Variants in MAGI1 observed in about 807,000 individuals in gnomAD.
MAGI1 encodes membrane associated guanylate kinase, WW and PDZ domain containing 1.
Under a neutral mutation model 139.9 loss-of-function variants are expected in MAGI1, and 58 were observed. That is an observed-to-expected ratio of 0.41 (90% CI 0.34 to 0.52). The LOEUF is 0.52. Among genes scored for constraint, MAGI1 ranks in the 20% least tolerant of loss-of-function variants. The probability of loss-of-function intolerance (pLI) is 0.12; values close to 1 mark genes in which losing one functional copy is unlikely to be tolerated. For synonymous variants in MAGI1, 812 were observed against 737.9 expected (o/e 1.10, Z -1.63); for missense variants, 1,874 against 1,901.6 (o/e 0.99, Z 0.27).
In MAGI1 at chr3:65,974,062, AAAAGG is replaced by A. The variant is rs1258253762; in HGVS notation, c.313+63929_313+63933del. 2.0e-5 allele frequency among the ~76,000 whole-genome samples: 3 copies of A among 152,142 alleles called. No individual in the cohort carries two copies. The East Asian group carries it at 5.8e-4, about 29-fold the overall frequency. The stretch of plus-strand genomic sequence containing the variant: ...TCAGAATTAGCATGAAGAATATTAA[AAAAGG>A]AAAGGTACAGAAAAATAAAATCTTT... On this transcript the variant is annotated intron_variant, in intron 1 of 22. Transcript: ENST00000402939.
chr3:65,799,897 A>T (rs1351438581), intron 1 of MAGI1, among the ~76,000 whole-genome samples: 1 of 152,170 alleles, frequency 6.6e-6, no homozygotes, highest in African/African-American at 2.4e-5. Context: ...TCAGCTGAGA[A>T]GATGTCTGGA....
chr3:65,898,783 G>C (rs1366408714), intron 1 of MAGI1, among the ~76,000 whole-genome samples: 1 of 152,120 alleles, frequency 6.6e-6, no homozygotes, highest in Non-Finnish European at 1.5e-5. Flanking sequence ...ATAAATGTTT[G>C]AGAAGATGGA....
chr3:65,510,552 C>G (rs1246814042), intron 2 of MAGI1, among the ~76,000 whole-genome samples: 1 of 147,142 alleles, frequency 6.8e-6, no homozygotes, highest in African/African-American at 2.5e-5. Context: ...GAAAGGGTAT[C>G]AGCAATGGAA....
chr3:65,916,258 G>C (rs1576023194), intron 1 of MAGI1, among the ~76,000 whole-genome samples: 1 of 152,036 alleles, frequency 6.6e-6, no homozygotes, highest in South Asian at 2.1e-4. Flanking sequence ...TAGTAGAGAC[G>C]GGGTTTCGCC....
intron 1 of MAGI1, among the ~76,000 whole-genome samples, chr3:65,791,646 G>A (rs1433971151): frequency 2.6e-5 from 4 of 152,124 alleles, no homozygotes; most frequent in Non-Finnish European, 5.9e-5. Flanking sequence ...AATACCATAT[G>A]CTATCCTCCA....
At chr3:65,696,764 T>C (rs17073462) in intron 1 of MAGI1, among the ~76,000 whole-genome samples, 2 of 152,020 alleles carry the variant, frequency 1.3e-5, no homozygotes, top group African/African-American at 4.8e-5. Flanking sequence ...GAAACAAGAA[T>C]AGGGGAAAAG....
intron 2 of MAGI1, among the ~76,000 whole-genome samples, chr3:65,514,519 A>T (rs1426338275): frequency 4.6e-5 from 7 of 150,766 alleles, no homozygotes; most frequent in Non-Finnish European, 8.8e-5. Context: ...GACACTTCTC[A>T]AAAGAAGACA....
intron 10 of MAGI1, among the ~76,000 whole-genome samples, chr3:65,433,275 AT>A (rs1947597369): frequency 6.6e-6 from 1 of 152,156 alleles, no homozygotes; most frequent in Admixed American, 6.5e-5. Flanking sequence ...TTTCACTCTT[AT>A]TATAGGCTAA....
chr3:65,920,162 A>G (rs766689402), intron 1 of MAGI1, among the ~76,000 whole-genome samples: 14 of 152,194 alleles, frequency 9.2e-5, no homozygotes, highest in Non-Finnish European at 1.8e-4. Flanking sequence ...TTTAGGGCCC[A>G]CACAGAATCT....
At position 65,539,280 on chromosome 3, in the gene MAGI1, C is replaced by A. The variant is rs187398712; in HGVS notation, c.431-45649G>T. Among the ~76,000 whole-genome samples, 317 of 152,280 alleles carry A rather than the reference C, an allele frequency of 2.1e-3. 1 individual carries two copies. The highest frequency in any genetic ancestry group is 7.4e-3 in the African/African-American group (308 of 41,558). On this transcript the variant is annotated intron_variant, in intron 2 of 22. Coordinates refer to ENST00000402939, the MANE Select transcript of MAGI1 (RefSeq NM_001033057.2). ...ACCAACAAACAGACATACATACCAA[C>A]TACCATCAAACAGAAACAAATACCA... is the stretch of plus-strand genomic sequence containing the variant.
intron 1 of MAGI1, among the ~76,000 whole-genome samples, chr3:65,845,221 C>A (rs1276716297): frequency 6.6e-6 from 1 of 150,554 alleles, no homozygotes. Context: ...ACTGCATTTC[C>A]AGCCTGGGCA....
chr3:65,841,481 A>T (rs1390341425), intron 1 of MAGI1, among the ~76,000 whole-genome samples: 14 of 151,234 alleles, frequency 9.3e-5, no homozygotes, highest in Admixed American at 9.2e-4. Flanking sequence ...AGGATGGAGT[A>T]CAGTGGTGCG....
At position 66,034,715 on chromosome 3, in the gene MAGI1, T is replaced by G. The variant is rs547421854; in HGVS notation, c.313+3281A>C. Among the ~76,000 whole-genome samples, 4 of 152,300 alleles carry G rather than the reference T, an allele frequency of 2.6e-5. No homozygotes were observed. In the South Asian group the frequency reaches 8.3e-4, roughly 32 times the overall value. Reference sequence around the variant, plus strand: ...ACAAGCAAAAGGACAAACTGGTATGTGTATACAATGGAATATTACTTAGCA... The same window carrying G: ...ACAAGCAAAAGGACAAACTGGTATGGGTATACAATGGAATATTACTTAGCA... On this transcript the variant is annotated intron_variant, in intron 1 of 22. Coordinates refer to ENST00000402939, the MANE Select transcript of MAGI1 (RefSeq NM_001033057.2).
intron 1 of MAGI1, among the ~76,000 whole-genome samples, chr3:65,978,787 C>T (rs988128356): frequency 7.9e-5 from 12 of 151,950 alleles, no homozygotes; most frequent in African/African-American, 2.7e-4. Context: ...GCCACCACGC[C>T]CAGTTAATTT....
intron 1 of MAGI1, among the ~76,000 whole-genome samples, chr3:65,766,852 G>A (rs538520996): frequency 3.3e-5 from 5 of 152,206 alleles, no homozygotes; most frequent in South Asian, 2.1e-4. Flanking sequence ...TCACACCACC[G>A]CACTCCAGCC....
intron 1 of MAGI1, among the ~76,000 whole-genome samples, chr3:65,674,861 A>C (rs2087085078): frequency 6.6e-6 from 1 of 152,186 alleles, no homozygotes; most frequent in Admixed American, 6.5e-5. Context: ...TAATCTCATC[A>C]CTGCAGCCCA....
chr3:65,414,977 C>T (rs56395821), intron 12 of MAGI1, among the ~76,000 whole-genome samples: 7,117 of 140,362 alleles, frequency 0.051, 191 homozygotes, highest in South Asian at 0.064. Flanking sequence ...TGTGGTGAGC[C>T]GAGATCATGC....
rs1354653991 is a variant in MAGI1, at chr3:65,383,638, G to C, written c.2417-15C>G. The C allele has an allele frequency of 6.8e-7, 1 of 1,474,330 alleles. No individual in the cohort carries two copies. Among genetic ancestry groups the C allele is most frequent in the Non-Finnish European group, 9.5e-7 (1 of 1,053,926 alleles). 91.3% of individuals were successfully genotyped at this position (1,474,330 alleles called of 1,614,324 possible). ...GTAATCTGGAACTGCAGAGAGGGGA[G>C]AAAAAAGAGAAGGATTATTTTACTG... On this transcript the variant is annotated splice_polypyrimidine_tract_variant and intron_variant, in intron 14 of 22. Transcript: ENST00000402939.
At chr3:65,472,582 T>C (rs1022935075) in intron 4 of MAGI1, among the ~76,000 whole-genome samples, 11 of 152,190 alleles carry the variant, frequency 7.2e-5, no homozygotes, top group Non-Finnish European at 1.6e-4. Context: ...AACCTGTCAT[T>C]TTCCAGAATC....
Sources: allele counts gnomAD v4.1 joint callset (sites outside exome capture counted in the v4.1 genomes callset), GRCh38; gene constraint gnomAD v4.1.1; transcripts MANE v1.5; gene names NCBI Gene and HGNC (gene_info 2026-07-23, HGNC 2026-07-21).